Variants in ZNF804A observed in about 807,000 individuals in gnomAD.
ZNF804A encodes the protein zinc finger protein 804A.
In ZNF804A, 2 loss-of-function variants were observed where a neutral mutation model predicts 16.5. The ratio of observed to expected loss-of-function variants is 0.12; its 90% CI spans 0.05 to 0.38. The LOEUF (loss-of-function observed/expected upper bound fraction) is 0.38, where lower values mean the gene tolerates loss of function less well. ZNF804A is among the 10% of genes least tolerant of loss of function. ZNF804A has a pLI of 0.99. For synonymous variants in ZNF804A, 534 were observed against 489.6 expected, an observed-to-expected ratio of 1.09 and a Z score of -1.20; for missense variants, 1,473 against 1,390.7, an observed-to-expected ratio of 1.06 and a Z score of -0.94.
At chr2:184,602,246 A>C (rs1307123258) in intron 1 of ZNF804A, among the ~76,000 whole-genome samples, 1 of 151,946 alleles carries the variant, frequency 6.6e-6, no homozygotes. Context: ...AAAACATATA[A>C]ATTTTCATTT....
chr2:184,745,084 A>G (rs940692216), intron 1 of ZNF804A, among the ~76,000 whole-genome samples: 5 of 151,812 alleles, frequency 3.3e-5, no homozygotes, highest in African/African-American at 1.2e-4. Flanking sequence ...TATACTTTAT[A>G]TTACTTACCA....
chr2:184,603,910 T>G (rs1276985341), intron 1 of ZNF804A, among the ~76,000 whole-genome samples: 3 of 152,168 alleles, frequency 2.0e-5, no homozygotes, highest in African/African-American at 7.2e-5. Flanking sequence ...TACATGTCCT[T>G]TTTCAGAACA....
intron 1 of ZNF804A, among the ~76,000 whole-genome samples, chr2:184,618,015 A>G (rs1691353900): frequency 6.6e-6 from 1 of 152,008 alleles, no homozygotes; most frequent in Non-Finnish European, 1.5e-5. Flanking sequence ...TGGACACTAG[A>G]GTATGGACAA....
At chr2:184,710,249 A>G (rs1426647184) in intron 1 of ZNF804A, among the ~76,000 whole-genome samples, 1 of 151,724 alleles carries the variant, frequency 6.6e-6, no homozygotes, top group East Asian at 1.9e-4. Flanking sequence ...TATAATCATG[A>G]TAATAAACAT....
chr2:184,899,623 C>T (rs901817534), intron 2 of ZNF804A, among the ~76,000 whole-genome samples: 1 of 151,850 alleles, frequency 6.6e-6, no homozygotes, highest in Non-Finnish European at 1.5e-5. Flanking sequence ...CATATTTAAT[C>T]CTCTTATAAT....
intron 1 of ZNF804A, among the ~76,000 whole-genome samples, chr2:184,732,728 A>G (rs1455322562): frequency 1.5e-4 from 23 of 152,070 alleles, no homozygotes; most frequent in Non-Finnish European, 1.5e-4. Context: ...TTTTCCTCAT[A>G]TAGATATATA....
At chr2:184,668,629 A>G (rs1036969589) in intron 1 of ZNF804A, among the ~76,000 whole-genome samples, 5 of 151,962 alleles carry the variant, frequency 3.3e-5, no homozygotes, top group African/African-American at 1.2e-4. Flanking sequence ...ATCCTTGAAG[A>G]AAAGAAAAAT....
At chr2:184,617,361 GT>G (rs1167448986) in intron 1 of ZNF804A, among the ~76,000 whole-genome samples, 1 of 151,906 alleles carries the variant, frequency 6.6e-6, no homozygotes. Flanking sequence ...AATGTATGCT[GT>G]TTTTTAAAAC....
At chr2:184,858,916 G>C (rs1410277038) in intron 1 of ZNF804A, among the ~76,000 whole-genome samples, 6 of 152,136 alleles carry the variant, frequency 3.9e-5, no homozygotes, top group Admixed American at 3.9e-4. Flanking sequence ...CTAAAACACA[G>C]ATTTGCTGGG....
At chr2:184,879,735 T>A (rs1221672118) in intron 2 of ZNF804A, among the ~76,000 whole-genome samples, 1 of 152,094 alleles carries the variant, frequency 6.6e-6, no homozygotes, top group African/African-American at 2.4e-5. Flanking sequence ...ATTTAGTTTT[T>A]GTTTTGTTTT....
chr2:184,814,299 C>T (rs936389997), intron 1 of ZNF804A, among the ~76,000 whole-genome samples: 4 of 151,924 alleles, frequency 2.6e-5, no homozygotes, highest in Non-Finnish European at 5.9e-5. Flanking sequence ...TTAAAAAAGT[C>T]TCTAGCCTGA....
rs148011657 is a variant in ZNF804A at position 184,835,948 on chromosome 2, G to A, written c.112-30421G>A. 3.9e-4 allele frequency among the ~76,000 whole-genome samples: 60 copies of A among 152,178 alleles called. No homozygotes were observed. In the Middle Eastern group the frequency reaches 0.01, roughly 26 times the overall value. On this transcript the variant is annotated intron_variant, in intron 1 of 3. Transcript: ENST00000302277. ...AAGATATTTGTTCTATAGACAATGG[G>A]GAACCATCAGAAGTTTTAAAGTGAA...
chr2:184,895,631 C>G (rs1685052893), intron 2 of ZNF804A, among the ~76,000 whole-genome samples: 2 of 152,150 alleles, frequency 1.3e-5, no homozygotes, highest in Admixed American at 1.3e-4. Flanking sequence ...CCAGAAGGCT[C>G]TCAAGTCACT....
At chr2:184,795,507 A>C (rs1694617438) in intron 1 of ZNF804A, among the ~76,000 whole-genome samples, 1 of 152,162 alleles carries the variant, frequency 6.6e-6, no homozygotes, top group Non-Finnish European at 1.5e-5. Context: ...TCACACCTCA[A>C]GGAACTAGAG....
intron 1 of ZNF804A, among the ~76,000 whole-genome samples, chr2:184,863,479 T>C (rs1695829943): frequency 6.6e-6 from 1 of 151,754 alleles, no homozygotes; most frequent in East Asian, 1.9e-4. Flanking sequence ...TCTGTTCCGC[T>C]AAAAACCTCC....
chr2:184,661,445 G>A (rs1461253848), intron 1 of ZNF804A, among the ~76,000 whole-genome samples: 3 of 152,186 alleles, frequency 2.0e-5, no homozygotes, highest in African/African-American at 4.8e-5. Flanking sequence ...TATAGAGTGA[G>A]CAAGGCAAAG....
At chr2:184,704,788 T>A (rs1001971232) in intron 1 of ZNF804A, among the ~76,000 whole-genome samples, 1 of 152,136 alleles carries the variant, frequency 6.6e-6, no homozygotes, top group Non-Finnish European at 1.5e-5. Context: ...TGAGGGACAA[T>A]GCATTGACAC....
intron 1 of ZNF804A, among the ~76,000 whole-genome samples, chr2:184,655,745 G>A (rs1297376634): frequency 6.6e-6 from 1 of 151,600 alleles, no homozygotes; most frequent in East Asian, 1.9e-4. Flanking sequence ...ATTGAGGGAA[G>A]GCCCTACTAT....
chr2:184,935,698 A>G (rs372500194), intron 3 of ZNF804A, 85 bp from the exon 4 acceptor site: 1 of 1,427,136 alleles, frequency 7.0e-7, no homozygotes, highest in East Asian at 2.5e-5. Flanking sequence ...AAATATTATA[A>G]TGACTTTTTA....
Sources: allele counts gnomAD v4.1 joint callset (sites outside exome capture counted in the v4.1 genomes callset), GRCh38; gene constraint gnomAD v4.1.1; transcripts MANE v1.5; gene names NCBI Gene and HGNC (gene_info 2026-07-23, HGNC 2026-07-21).